Variants in PPM1H observed in about 807,000 individuals in gnomAD.
PPM1H encodes protein phosphatase 1H.
In PPM1H, 27 loss-of-function variants were observed where a neutral mutation model predicts 54.9. The ratio of observed to expected loss-of-function variants is 0.49; its 90% CI spans 0.36 to 0.68. PPM1H has a LOEUF of 0.68. Among genes scored for constraint, PPM1H ranks in the 30% least tolerant of loss-of-function variants. The pLI is 0.00. For synonymous variants in PPM1H, 305 were observed against 270.8 expected (o/e 1.13, Z -1.24); for missense variants, 596 against 667.8 (o/e 0.89, Z 1.19).
intron 2 of PPM1H, among the ~76,000 whole-genome samples, chr12:62,808,888 T>C (rs1296668797): frequency 6.6e-6 from 1 of 152,076 alleles, no homozygotes; most frequent in Non-Finnish European, 1.5e-5. Flanking sequence ...GAAAGCTGGA[T>C]GGCAAGAAAG....
chr12:62,717,984 T>C (rs1438634647), intron 6 of PPM1H, among the ~76,000 whole-genome samples: 1 of 152,238 alleles, frequency 6.6e-6, no homozygotes, highest in Non-Finnish European at 1.5e-5. Context: ...TAGATCTAAT[T>C]TGCCTTTCTG....
At position 62,720,158 on chromosome 12, in the gene PPM1H, G is replaced by T; in HGVS notation, c.1073+13C>A. 1 of 1,563,138 alleles carries T rather than the reference G, an allele frequency of 6.4e-7. No homozygotes were observed. The highest frequency in any genetic ancestry group is 1.4e-5 in the African/African-American group (1 of 73,826). On this transcript the variant is annotated intron_variant, in intron 6 of 9. Coordinates refer to ENST00000228705, the MANE Select transcript of PPM1H (RefSeq NM_020700.2). The stretch of plus-strand genomic sequence containing the variant: ...ACTGTGTGGTTCCGAGGCAGAGGAA[G>T]GCATGTTCTTACCAGCCTGTCATAT...
At chr12:62,896,765 C>A (rs1592660750) in intron 1 of PPM1H, among the ~76,000 whole-genome samples, 3 of 152,254 alleles carry the variant, frequency 2.0e-5, no homozygotes, top group African/African-American at 7.2e-5. Flanking sequence ...TACCCAAAGG[C>A]TTATAAATCA....
chr12:62,707,596 T>C (rs1169901623), intron 6 of PPM1H, among the ~76,000 whole-genome samples: 1 of 152,214 alleles, frequency 6.6e-6, no homozygotes, highest in Non-Finnish European at 1.5e-5. Context: ...GCAGAATCCA[T>C]AGAGATTCTA....
intron 9 of PPM1H, among the ~76,000 whole-genome samples, chr12:62,665,766 T>A (rs424152): frequency 0.33 from 49,627 of 151,888 alleles, 9,754 homozygotes; most frequent in Middle Eastern, 0.56. Context: ...AGACGGAGTC[T>A]TGCTCTGCTG....
At chr12:62,875,929 G>T (rs1870153348) in intron 1 of PPM1H, among the ~76,000 whole-genome samples, 1 of 152,190 alleles carries the variant, frequency 6.6e-6, no homozygotes. Context: ...GAACAACTTG[G>T]AGAACTGTTC....
intron 1 of PPM1H, among the ~76,000 whole-genome samples, chr12:62,884,441 T>C (rs1681997): frequency 0.041 from 5,689 of 137,222 alleles, 320 homozygotes; most frequent in African/African-American, 0.13. Context: ...GCAGAGGCTG[T>C]GGTGAGCTGA....
chr12:62,870,088 C>T (rs1592645757), intron 1 of PPM1H, among the ~76,000 whole-genome samples: 1 of 152,074 alleles, frequency 6.6e-6, no homozygotes, highest in East Asian at 1.9e-4. Context: ...CTATCAAAAG[C>T]AGAAGGGAGG....
chr12:62,846,816 G>C (rs1868989184), intron 1 of PPM1H, among the ~76,000 whole-genome samples: 1 of 152,188 alleles, frequency 6.6e-6, no homozygotes, highest in African/African-American at 2.4e-5. Context: ...AGTGTAACCA[G>C]TAAGTAGCAC....
At chr12:62,717,449 TGC>T (rs1264036104) in intron 6 of PPM1H, among the ~76,000 whole-genome samples, 1 of 146,232 alleles carries the variant, frequency 6.8e-6, no homozygotes, top group African/African-American at 2.7e-5. Context: ...ACCATGCTAA[TGC>T]AGAGAGAGAG....
chr12:62,920,651 C>A (rs1871767596), intron 1 of PPM1H, among the ~76,000 whole-genome samples: 1 of 151,066 alleles, frequency 6.6e-6, no homozygotes, highest in South Asian at 2.1e-4. Context: ...AGAAAAAATT[C>A]TTAATAGTCC....
At chr12:62,846,434 A>C (rs1868970152) in intron 1 of PPM1H, among the ~76,000 whole-genome samples, 1 of 151,350 alleles carries the variant, frequency 6.6e-6, no homozygotes. Context: ...CAGGAGGCGG[A>C]GGTTGCAGTG....
At chr12:62,857,242 G>C (rs1358425438) in intron 1 of PPM1H, among the ~76,000 whole-genome samples, 1 of 152,100 alleles carries the variant, frequency 6.6e-6, no homozygotes, top group Non-Finnish European at 1.5e-5. Flanking sequence ...ACAAATAAAG[G>C]AAGGAAGGAA....
Position 62,720,287 on chromosome 12 carries a change from T to C in PPM1H, c.957A>G (p.Ala319=), listed in dbSNP as rs1205183699. Residue 319 remains alanine, a splice_region_variant and synonymous_variant, in exon 6 of 10, where the codon GCA becomes GCG. Coordinates refer to ENST00000228705, the MANE Select transcript of PPM1H (RefSeq NM_020700.2). ...TTCCCAGCAAGTGAGGCTGCATGAA[T>C]GCCTAATAGCAAAAAGAAAAAGAAA... ...ETERQRLQYL[A]FMQPHLLGNE... 4 of 1,601,894 alleles carry C rather than the reference T, an allele frequency of 2.5e-6. No individual in the cohort carries two copies. The highest frequency in any genetic ancestry group is 2.2e-5 in the South Asian group (2 of 90,786).
intron 4 of PPM1H, among the ~76,000 whole-genome samples, chr12:62,747,103 C>T (rs1327347225): frequency 6.6e-6 from 1 of 151,890 alleles, no homozygotes; most frequent in Non-Finnish European, 1.5e-5. Flanking sequence ...AGGCATGTGC[C>T]ACCATGCCTG....
chr12:62,861,493 T>C (rs529531969), intron 1 of PPM1H, among the ~76,000 whole-genome samples: 22 of 152,362 alleles, frequency 1.4e-4, no homozygotes, highest in African/African-American at 5.3e-4. Context: ...TTTAAATATT[T>C]CTGGCTCTAT....
At chr12:62,706,405 T>G (rs893725191) in intron 6 of PPM1H, among the ~76,000 whole-genome samples, 1 of 152,256 alleles carries the variant, frequency 6.6e-6, no homozygotes, top group African/African-American at 2.4e-5. Context: ...AGCTCCTGCA[T>G]CCAGGTGGCC....
intron 2 of PPM1H, among the ~76,000 whole-genome samples, chr12:62,830,322 C>T (rs916880337): frequency 1.3e-5 from 2 of 151,988 alleles, no homozygotes; most frequent in African/African-American, 2.4e-5. Context: ...GTGGCGTGAT[C>T]TCAGCTCACT....
intron 1 of PPM1H, among the ~76,000 whole-genome samples, chr12:62,847,536 A>G (rs1869020689): frequency 6.6e-6 from 1 of 152,172 alleles, no homozygotes; most frequent in East Asian, 1.9e-4. Context: ...GAGAAATTAT[A>G]ATTCAGGGTT....
Sources: allele counts gnomAD v4.1 joint callset (sites outside exome capture counted in the v4.1 genomes callset), GRCh38; gene constraint gnomAD v4.1.1; transcripts MANE v1.5; gene names NCBI Gene and HGNC (gene_info 2026-07-23, HGNC 2026-07-21).